Variants in RORA observed in about 807,000 individuals in gnomAD.
RORA encodes RAR related orphan receptor A, also known as nuclear receptor ROR-alpha.
Under a neutral mutation model 69.5 loss-of-function variants are expected in RORA, and 7 were observed. The observed-to-expected ratio is 0.10, with a 90% CI of 0.06 to 0.19. The LOEUF (loss-of-function observed/expected upper bound fraction) is 0.19, where lower values mean the gene tolerates loss of function less well. Among genes scored for constraint, RORA ranks in the 10% least tolerant of loss-of-function variants. The probability of loss-of-function intolerance (pLI) is 1.00; values close to 1 mark genes in which losing one functional copy is unlikely to be tolerated. For synonymous variants in RORA, 261 were observed against 240.8 expected, an observed-to-expected ratio of 1.08 and a Z score of -0.78; for missense variants, 457 against 663.0, an observed-to-expected ratio of 0.69 and a Z score of 3.41.
At chr15:60,561,517 G>A (rs554233220) in intron 2 of RORA, among the ~76,000 whole-genome samples, 2 of 152,142 alleles carry the variant, frequency 1.3e-5, no homozygotes, top group South Asian at 2.1e-4. Context: ...ATTTTATCCC[G>A]TGTTGTAGAT....
chr15:60,698,314 T>A lies in RORA; in HGVS notation c.167-19628A>T, dbSNP rs573188722. On this transcript the variant is annotated intron_variant, in intron 1 of 10. Coordinates refer to ENST00000335670, the MANE Select transcript of RORA (RefSeq NM_134261.3). The stretch of plus-strand genomic sequence containing the variant: ...TTGATTATTACTCTGTCCTGACAAT[T>A]CTTAGTAATGTCAGTGATAAAATAA... 3.7e-4 allele frequency among the ~76,000 whole-genome samples: 56 copies of A among 152,212 alleles called. 1 individual carries two copies. Among genetic ancestry groups the A allele is most frequent in the Admixed American group, 1.7e-3 (26 of 15,284 alleles).
intron 1 of RORA, chr15:61,176,543 C>G (rs1412924542): frequency 2.0e-5 from 3 of 152,122 alleles, no homozygotes; most frequent in Non-Finnish European, 4.4e-5. Flanking sequence ...AACTCCTGGG[C>G]TCACGTAATC....
intron 1 of RORA, among the ~76,000 whole-genome samples, chr15:60,902,688 C>A (rs1891424570): frequency 6.6e-6 from 1 of 152,330 alleles, no homozygotes; most frequent in African/African-American, 2.4e-5. Context: ...TAAAATCACT[C>A]TCTGAGAGGA....
chr15:61,198,249 A>C (rs564143753), intron 1 of RORA, among the ~76,000 whole-genome samples: 1 of 152,346 alleles, frequency 6.6e-6, no homozygotes, highest in African/African-American at 2.4e-5. Flanking sequence ...GTATAAGCAG[A>C]CAGCCAGGTT....
chr15:60,630,888 C>CTTTTTTTTTTTTT lies in RORA; in HGVS notation c.196+47756_196+47768dup, dbSNP rs542275787. On this transcript the variant is annotated intron_variant, in intron 2 of 10. Coordinates refer to ENST00000335670, the MANE Select transcript of RORA (RefSeq NM_134261.3). ...GGCATTTGGGCCAGGATGAGACTTTCTTTTTTTTTTTTTTTTTGAGACGGA... is the reference window on the plus strand; with the variant it reads ...GGCATTTGGGCCAGGATGAGACTTTCTTTTTTTTTTTTTTTTTTTTTTTTTTTTTTGAGACGGA... 5.7e-3 allele frequency among the ~76,000 whole-genome samples: 621 copies of CTTTTTTTTTTTTT among 109,790 alleles called. 20 individuals are homozygous for CTTTTTTTTTTTTT. Among genetic ancestry groups the CTTTTTTTTTTTTT allele is most frequent in the Non-Finnish European group, 7.1e-3 (410 of 57,840 alleles). 72.0% of individuals were successfully genotyped at this position (109,790 alleles called of 152,430 possible).
intron 1 of RORA, among the ~76,000 whole-genome samples, chr15:60,698,452 A>G (rs184205480): frequency 4.7e-3 from 709 of 152,344 alleles, no homozygotes; most frequent in Non-Finnish European, 8.0e-3. Flanking sequence ...AAAATACTAT[A>G]TATTCACTGT....
chr15:60,561,292 A>T (rs571491593), intron 2 of RORA, among the ~76,000 whole-genome samples: 1 of 152,032 alleles, frequency 6.6e-6, no homozygotes, highest in Non-Finnish European at 1.5e-5. Context: ...CGTGTTAGCC[A>T]GGATGGTCTC....
chr15:60,556,618 CT>C (rs1185845030), intron 2 of RORA, among the ~76,000 whole-genome samples: 1 of 152,192 alleles, frequency 6.6e-6, no homozygotes, highest in African/African-American at 2.4e-5. Flanking sequence ...GGGAATGTGC[CT>C]GTGGACCATA....
At chr15:60,946,959 C>A (rs1040420729) in intron 1 of RORA, among the ~76,000 whole-genome samples, 1 of 151,978 alleles carries the variant, frequency 6.6e-6, no homozygotes, top group South Asian at 2.1e-4. Flanking sequence ...GCCCCGCCGC[C>A]CTCTCTGAGA....
chr15:60,881,453 C>T (rs1007063480), intron 1 of RORA, among the ~76,000 whole-genome samples: 2 of 152,200 alleles, frequency 1.3e-5, no homozygotes, highest in African/African-American at 4.8e-5. Context: ...GATGAAACAC[C>T]ATTTTACCAT....
intron 1 of RORA, among the ~76,000 whole-genome samples, chr15:60,851,455 G>C (rs1174850518): frequency 6.6e-6 from 1 of 152,172 alleles, no homozygotes; most frequent in Non-Finnish European, 1.5e-5. Context: ...TGCCTGGAGA[G>C]TGGGGAGGAC....
intron 1 of RORA, among the ~76,000 whole-genome samples, chr15:61,049,232 C>G (rs2140495494): frequency 6.6e-6 from 1 of 152,312 alleles, no homozygotes; most frequent in South Asian, 2.1e-4. Context: ...GCCAAGGAGA[C>G]AGATGTATTA....
chr15:60,932,870 G>A (rs898570033), intron 1 of RORA, among the ~76,000 whole-genome samples: 7 of 152,154 alleles, frequency 4.6e-5, no homozygotes, highest in Non-Finnish European at 1.0e-4. Context: ...AAGGAGTGTG[G>A]AACAGAAAAG....
chr15:60,627,086 G>C, intron 2 of RORA: 1 of 706,612 alleles, frequency 1.4e-6, no homozygotes, highest in Non-Finnish European at 2.3e-6. Context: ...CTCTGTGGCT[G>C]AAGGGTAACA....
At chr15:61,139,686 T>C (rs1026865849) in intron 1 of RORA, among the ~76,000 whole-genome samples, 1 of 152,170 alleles carries the variant, frequency 6.6e-6, no homozygotes, top group Non-Finnish European at 1.5e-5. Context: ...CGGAACCCCT[T>C]GCTCACCAAC....
At chr15:60,772,543 C>T (rs1035838117) in intron 1 of RORA, among the ~76,000 whole-genome samples, 1 of 152,188 alleles carries the variant, frequency 6.6e-6, no homozygotes, top group Non-Finnish European at 1.5e-5. Flanking sequence ...TGCTTTTCCT[C>T]GTATGGGTAC....
intron 1 of RORA, among the ~76,000 whole-genome samples, chr15:61,092,025 A>G (rs2078715351): frequency 6.6e-6 from 1 of 152,238 alleles, no homozygotes; most frequent in Non-Finnish European, 1.5e-5. Context: ...AAACCAAGAT[A>G]TAAATAAAGC....
intron 1 of RORA, among the ~76,000 whole-genome samples, chr15:60,700,056 A>G (rs2553231): frequency 0.96 from 146,100 of 152,240 alleles, 70,306 homozygotes; most frequent in East Asian, 1. Flanking sequence ...TTTGCAGAGA[A>G]GTCCACCCTG....
At chr15:60,975,535 A>G (rs1260744763) in intron 1 of RORA, among the ~76,000 whole-genome samples, 1 of 152,142 alleles carries the variant, frequency 6.6e-6, no homozygotes, top group Non-Finnish European at 1.5e-5. Flanking sequence ...TCTGGAGAAC[A>G]CTGAAATGAA....
Sources: gnomAD v4.1 joint callset for allele counts (sites outside exome capture counted in the v4.1 genomes callset) on GRCh38, gnomAD v4.1.1 for gene constraint, MANE v1.5 for transcripts, NCBI Gene and HGNC (gene_info 2026-07-23, HGNC 2026-07-21) for gene names.